The following MSN variants were observed in gnomAD, a reference collection of about 807,000 sequenced individuals.
MSN encodes epididymis luminal protein 70.
A neutral mutation model predicts 48.0 loss-of-function variants in MSN; 2 were observed. That is an observed-to-expected ratio of 0.04 (90% CI 0.02 to 0.13). MSN has a LOEUF of 0.13. MSN is among the 10% of genes least tolerant of loss of function. The pLI is 1.00. For synonymous variants in MSN, 146 were observed against 166.9 expected (o/e 0.87, Z 0.97); for missense variants, 267 against 470.1 (o/e 0.57, Z 3.99).
intron 1 of MSN, among the ~76,000 whole-genome samples, chrX:65,613,415 G>T (rs932512975): frequency 8.7e-6 from 1 of 114,929 alleles, no homozygotes; most frequent in African/African-American, 3.1e-5. Flanking sequence ...GGGTCAAATG[G>T]TATTTCTGCT....
chrX:65,683,192 G>A (rs1336449729), intron 1 of MSN, among the ~76,000 whole-genome samples: 1 of 111,701 alleles, frequency 9.0e-6, no homozygotes, highest in African/African-American at 3.3e-5. Flanking sequence ...ATTATGGCAT[G>A]GCCAGCAGGC....
At chrX:65,618,683 A>G (rs1196529797) in intron 1 of MSN, among the ~76,000 whole-genome samples, 4 of 110,602 alleles carry the variant, frequency 3.6e-5, no homozygotes, top group Non-Finnish European at 7.6e-5. Context: ...TGTGTCTTTT[A>G]ATTGGAGCAT....
chrX:65,721,588 A>G (rs990543533), intron 2 of MSN, among the ~76,000 whole-genome samples: 8 of 110,973 alleles, frequency 7.2e-5, no homozygotes, highest in Non-Finnish European at 1.1e-4. Context: ...AATAACTAAC[A>G]TATATTATAG....
intron 1 of MSN, among the ~76,000 whole-genome samples, chrX:65,629,597 C>T (rs922774130): frequency 8.9e-6 from 1 of 111,758 alleles, no homozygotes; most frequent in African/African-American, 3.3e-5. Flanking sequence ...TTCCACATGG[C>T]TGGGGAGGCC....
intron 1 of MSN, among the ~76,000 whole-genome samples, chrX:65,662,304 A>G (rs909128326): frequency 8.9e-6 from 1 of 112,638 alleles, no homozygotes; most frequent in Admixed American, 9.4e-5. Context: ...ACATGGAACC[A>G]AAAAGGAGCC....
intron 1 of MSN, among the ~76,000 whole-genome samples, chrX:65,679,286 T>G (rs181977539): frequency 7.1e-5 from 8 of 112,096 alleles, no homozygotes; most frequent in Non-Finnish European, 1.5e-4. Flanking sequence ...TGAGGACATA[T>G]GAGATTTCAC....
At chrX:65,648,612 C>G (rs1236023477) in intron 1 of MSN, among the ~76,000 whole-genome samples, 10 of 110,830 alleles carry the variant, frequency 9.0e-5, no homozygotes, top group Non-Finnish European at 1.9e-4. Context: ...GTGGCCCACG[C>G]CTGTAATCCC....
At chrX:65,653,735 T>C (rs773760367) in intron 1 of MSN, among the ~76,000 whole-genome samples, 8 of 110,405 alleles carry the variant, frequency 7.2e-5, no homozygotes, top group Non-Finnish European at 1.3e-4. Flanking sequence ...TACATTTATA[T>C]ACCACATACA....
intron 7 of MSN, 71 bp downstream of exon 7, chrX:65,733,351 T>C: frequency 1.2e-6 from 1 of 848,442 alleles, no homozygotes; most frequent in Non-Finnish European, 1.7e-6. Context: ...CATGCTATTC[T>C]ATTTTTCTCT....
rs748858422 is a variant in MSN at position 65,631,127 on chromosome X, G to T, written c.-22+42515G>T. On this transcript the variant is annotated intron_variant, in intron 1 of 3. Transcript: ENST00000609672. The stretch of plus-strand genomic sequence containing the variant: ...TTTTTTTTGTCTGAGACAGAGTCTC[G>T]CTCTGTTGCCCAGGCTGGAATGCAA... 2.9e-5 allele frequency among the ~76,000 whole-genome samples: 3 copies of T among 104,432 alleles called. No homozygotes were observed. The Admixed American group carries it at 3.2e-4, about 11-fold the overall frequency. 90.7% of individuals were successfully genotyped at this position (104,432 alleles called of 115,157 possible). A position where few individuals can be genotyped will look rare whatever the true frequency, so the allele number is the denominator to read the frequency against.
At chrX:65,608,655 G>A (rs142060578) in intron 1 of MSN, among the ~76,000 whole-genome samples, 6,719 of 110,852 alleles carry the variant, frequency 0.061, 206 homozygotes, top group Non-Finnish European at 0.098. Flanking sequence ...GGGTTATGGG[G>A]AACATTGAGG....
chrX:65,615,311 A>G (rs1392192187), intron 1 of MSN, among the ~76,000 whole-genome samples: 124 of 107,988 alleles, frequency 1.1e-3, no homozygotes, highest in Non-Finnish European at 2.1e-3. Context: ...ACTAGTTTAC[A>G]GTCCCACCAA....
At chrX:65,615,537 C>T (rs771597812) in intron 1 of MSN, among the ~76,000 whole-genome samples, 2 of 107,769 alleles carry the variant, frequency 1.9e-5, no homozygotes, top group South Asian at 8.2e-4. Context: ...CCTTCGCCCA[C>T]TTTTTGATGG....
chrX:65,599,290 C>T (rs777890182), intron 1 of MSN, among the ~76,000 whole-genome samples: 160 of 107,341 alleles, frequency 1.5e-3, no homozygotes, highest in African/African-American at 4.4e-3. Context: ...AGCAAAACTC[C>T]GTCTCAAAAA....
At chrX:65,735,513 T>G in intron 8 of MSN, 83 bp downstream of exon 8, 1 of 1,030,570 alleles carries the variant, frequency 9.7e-7, no homozygotes, top group South Asian at 2.3e-5. Context: ...AGTCAGGACA[T>G]GAGGCCAACC....
chrX:65,734,627 T>C, intron 7 of MSN, among the ~76,000 whole-genome samples: 1 of 112,166 alleles, frequency 8.9e-6, no homozygotes. Context: ...GTGTGTTTTC[T>C]TTTATTGCTG....
At chrX:65,622,510 GT>G (rs1216557190) in intron 1 of MSN, among the ~76,000 whole-genome samples, 1,161 of 66,430 alleles carry the variant, frequency 0.017, 16 homozygotes, top group South Asian at 0.033. Context: ...AGGCATCTTT[GT>G]TTTTTTTTTT....
intron 1 of MSN, among the ~76,000 whole-genome samples, chrX:65,623,213 T>A (rs2070468429): frequency 9.0e-6 from 1 of 110,681 alleles, no homozygotes; most frequent in South Asian, 3.7e-4. Context: ...GTCTGTATTT[T>A]TTTTTTAACA....
Position 65,649,259 on chromosome X carries a change from GTATA to G in MSN, c.-22+60663_-22+60666del, listed in dbSNP as rs59584763. On this transcript the variant is annotated intron_variant, in intron 1 of 3. Coordinates refer to the MSN transcript ENST00000609672. ...AGCTTAAAAAAATTTATATATATAT[GTATA>G]TATATATATATATATCTATGGCCAG... 4.6e-3 allele frequency among the ~76,000 whole-genome samples: 454 copies of G among 97,923 alleles called. 4 individuals carry two copies. The highest frequency in any genetic ancestry group is 0.016 in the African/African-American group (431 of 26,484). 85.0% of individuals were successfully genotyped at this position (97,923 alleles called of 115,157 possible).
Sources: gnomAD v4.1 joint callset for allele counts (sites outside exome capture counted in the v4.1 genomes callset) on GRCh38, gnomAD v4.1.1 for gene constraint, MANE v1.5 for transcripts, NCBI Gene and HGNC (gene_info 2026-07-23, HGNC 2026-07-21) for gene names.